The following PLS1 variants were observed in gnomAD, a reference collection of about 807,000 sequenced individuals.
PLS1 encodes plastin 1.
In PLS1, 32 loss-of-function variants were observed where a neutral mutation model predicts 73.7. That is an observed-to-expected ratio of 0.43 (90% CI 0.33 to 0.58). The LOEUF (loss-of-function observed/expected upper bound fraction) is 0.58, where lower values mean the gene tolerates loss of function less well. PLS1 is among the 20% of genes least tolerant of loss of function. The pLI is 0.04. For missense variants in PLS1, 633 were observed against 740.5 expected (o/e 0.85, Z 1.68); for synonymous variants, 217 against 261.3 (o/e 0.83, Z 1.63).
chr3:142,703,726 T>C, intron 12 of PLS1, 142 bp from the exon 13 acceptor site: 1 of 595,218 alleles, frequency 1.7e-6, no homozygotes, highest in South Asian at 2.4e-5. Context: ...GTCCTTGCTT[T>C]CCCTGGGTTA....
chr3:142,596,564 G>C (rs535116897), intron 1 of PLS1, 55 bp downstream of exon 1: 2 of 152,570 alleles, frequency 1.3e-5, no homozygotes, highest in African/African-American at 4.8e-5. Flanking sequence ...CAGATGGAAA[G>C]CGAAGCGTTA....
intron 1 of PLS1, among the ~76,000 whole-genome samples, chr3:142,609,573 A>G (rs895590261): frequency 6.6e-6 from 1 of 152,230 alleles, no homozygotes; most frequent in Admixed American, 6.5e-5. Flanking sequence ...AGTGAACAAT[A>G]AATGTCTTTT....
intron 1 of PLS1, among the ~76,000 whole-genome samples, chr3:142,633,664 C>CAAACA (rs976519654): frequency 7.2e-6 from 1 of 139,306 alleles, no homozygotes; most frequent in Non-Finnish European, 1.6e-5. Context: ...CTCAAACAAA[C>CAAACA]AAACAAAACA....
chr3:142,643,094 G>A (rs372917299), intron 1 of PLS1, among the ~76,000 whole-genome samples: 64 of 152,324 alleles, frequency 4.2e-4, no homozygotes, highest in African/African-American at 1.4e-3. Context: ...AATGATGGGT[G>A]AGAGAGGTTG....
chr3:142,599,178 GAATAAATAAATAAATA>G (rs199708068), intron 1 of PLS1, among the ~76,000 whole-genome samples: 10 of 146,988 alleles, frequency 6.8e-5, no homozygotes, highest in Admixed American at 2.7e-4. Context: ...ATGAATGAAT[GAATAAATAAATAAATA>G]AATAAATAAA....
intron 1 of PLS1, among the ~76,000 whole-genome samples, chr3:142,631,930 C>G (rs1301332380): frequency 6.6e-6 from 1 of 152,064 alleles, no homozygotes; most frequent in Admixed American, 6.6e-5. Flanking sequence ...AGTGAAAAGG[C>G]AACCTTAGGT....
chr3:142,601,090 ATT>A (rs1231903490), intron 1 of PLS1, among the ~76,000 whole-genome samples: 1 of 140,110 alleles, frequency 7.1e-6, no homozygotes, highest in African/African-American at 2.6e-5. Context: ...CGCCCGGCTA[ATT>A]TTTTTTTTAT....
chr3:142,667,393 G>A (rs532095173), intron 2 of PLS1, among the ~76,000 whole-genome samples: 13 of 152,050 alleles, frequency 8.5e-5, no homozygotes, highest in Non-Finnish European at 5.9e-5. Flanking sequence ...CCAGCCTGGC[G>A]ACATAGCGAG....
chr3:142,705,579 A>G (rs1002127734), intron 14 of PLS1, among the ~76,000 whole-genome samples: 1 of 152,328 alleles, frequency 6.6e-6, no homozygotes, highest in Non-Finnish European at 1.5e-5. Context: ...TTGTGATTTT[A>G]TTATGTGTGA....
At chr3:142,614,475 A>G (rs1304342206) in intron 1 of PLS1, among the ~76,000 whole-genome samples, 1 of 152,248 alleles carries the variant, frequency 6.6e-6, no homozygotes. Flanking sequence ...GGCTTAGCCC[A>G]GTGTTACCAT....
intron 12 of PLS1, 164 bp downstream of exon 12, chr3:142,698,231 G>C (rs2038252312): frequency 1.9e-6 from 1 of 529,902 alleles, no homozygotes; most frequent in Non-Finnish European, 3.4e-6. Flanking sequence ...TAAATTTGAA[G>C]ATGAAGGCAA....
At chr3:142,644,827 GCA>G (rs2036919196) in intron 1 of PLS1, among the ~76,000 whole-genome samples, 2 of 152,168 alleles carry the variant, frequency 1.3e-5, no homozygotes, top group Non-Finnish European at 2.9e-5. Flanking sequence ...TTGATGAAGT[GCA>G]GTTATCAATT....
chr3:142,704,371 A>G (rs1026642329), intron 13 of PLS1, 92 bp from the exon 14 acceptor site: 24 of 989,246 alleles, frequency 2.4e-5, no homozygotes, highest in African/African-American at 1.8e-4. Flanking sequence ...GAACTGAACT[A>G]TTTCTTAAGT....
chr3:142,646,627 G>C (rs1472812163), intron 1 of PLS1, among the ~76,000 whole-genome samples: 1 of 152,256 alleles, frequency 6.6e-6, no homozygotes, highest in East Asian at 1.9e-4. Flanking sequence ...TCCTCAGATA[G>C]CAGCAGAGGC....
intron 14 of PLS1, among the ~76,000 whole-genome samples, chr3:142,705,547 A>G (rs906324078): frequency 6.6e-5 from 10 of 152,210 alleles, no homozygotes; most frequent in African/African-American, 2.4e-4. Flanking sequence ...GCTTGTACAC[A>G]TTCATTCAGT....
chr3:142,616,751 C>T (rs1205505125), intron 1 of PLS1, among the ~76,000 whole-genome samples: 1 of 152,046 alleles, frequency 6.6e-6, no homozygotes, highest in Non-Finnish European at 1.5e-5. Flanking sequence ...TACAGGCACC[C>T]GCCGTCATGC....
chr3:142,654,931 C>T (rs1252915943), intron 1 of PLS1: 1 of 152,074 alleles, frequency 6.6e-6, no homozygotes, highest in African/African-American at 2.4e-5. Flanking sequence ...TTATCTAGTA[C>T]TCCTTATGCT....
intron 1 of PLS1, among the ~76,000 whole-genome samples, chr3:142,624,480 C>T (rs2036378597): frequency 6.6e-6 from 1 of 152,112 alleles, no homozygotes; most frequent in Non-Finnish European, 1.5e-5. Flanking sequence ...GCAGTTCCCA[C>T]CCTGTGTAAA....
intron 1 of PLS1, among the ~76,000 whole-genome samples, chr3:142,643,825 A>ATTTTT (rs67216911): frequency 1.6e-5 from 2 of 122,916 alleles, no homozygotes; most frequent in Non-Finnish European, 3.3e-5. Context: ...TCTTCATTTC[A>ATTTTT]TTTTTTTTTT....
Sources: allele counts gnomAD v4.1 joint callset (sites outside exome capture counted in the v4.1 genomes callset), GRCh38; gene constraint gnomAD v4.1.1; transcripts MANE v1.5; gene names NCBI Gene and HGNC (gene_info 2026-07-23, HGNC 2026-07-21).